RAP1GDS1: variants seen among roughly 807,000 people sequenced by gnomAD.
The protein encoded by RAP1GDS1 is Rap1 GTPase-GDP dissociation stimulator 1, also known as RAP1, GTP-GDP dissociation stimulator 1.
In RAP1GDS1, 35 loss-of-function variants were observed where a neutral mutation model predicts 71.1. The ratio of observed to expected loss-of-function variants is 0.49; its 90% CI spans 0.38 to 0.65. RAP1GDS1 has a LOEUF of 0.65. Among genes scored for constraint, RAP1GDS1 ranks in the 30% least tolerant of loss-of-function variants. The probability of loss-of-function intolerance (pLI) is 0.00; values close to 1 mark genes in which losing one functional copy is unlikely to be tolerated. For synonymous variants in RAP1GDS1, 229 were observed against 243.1 expected (o/e 0.94, Z 0.54); for missense variants, 663 against 706.1 (o/e 0.94, Z 0.69).
intron 4 of RAP1GDS1, among the ~76,000 whole-genome samples, chr4:98,366,362 G>A (rs978052055): frequency 9.2e-5 from 14 of 152,150 alleles, no homozygotes; most frequent in African/African-American, 2.7e-4. Flanking sequence ...TCCCAACCAC[G>A]TGGAACTGTA....
rs114802833 is a variant in RAP1GDS1, at chr4:98,291,625, A to G, written c.5-1783A>G. ...TAAAATATCTGCTTTAAAATTAATA[A>G]AGTCTAGAGTTAAGGCCTCTATTTG... On this transcript the variant is annotated intron_variant, in intron 1 of 14. Coordinates refer to ENST00000408927, the MANE Select transcript of RAP1GDS1 (RefSeq NM_001100427.2). 4.9e-3 allele frequency among the ~76,000 whole-genome samples: 753 copies of G among 152,274 alleles called. 3 individuals are homozygous for G. Among genetic ancestry groups the G allele is most frequent in the Non-Finnish European group, 8.6e-3 (587 of 68,018 alleles).
intron 7 of RAP1GDS1, among the ~76,000 whole-genome samples, chr4:98,410,085 A>G (rs966701590): frequency 2.6e-5 from 4 of 152,200 alleles, no homozygotes; most frequent in Non-Finnish European, 4.4e-5. Flanking sequence ...CCTGAGCAAC[A>G]TAGTGAGGCC....
intron 12 of RAP1GDS1, among the ~76,000 whole-genome samples, chr4:98,424,770 CAAA>C (rs1157760868): frequency 3.6e-5 from 3 of 83,666 alleles, no homozygotes; most frequent in African/African-American, 4.2e-5. Flanking sequence ...ACTCTGTCTC[CAAA>C]AAAAAAAAAA....
At chr4:98,418,825 A>G (rs1475386964) in intron 10 of RAP1GDS1, 34 bp downstream of exon 10, 5 of 1,511,872 alleles carry the variant, frequency 3.3e-6, no homozygotes, top group Non-Finnish European at 4.4e-6. Context: ...GCTGTGTACA[A>G]AATAAAATCC....
intron 12 of RAP1GDS1, among the ~76,000 whole-genome samples, chr4:98,422,563 A>C (rs1014421243): frequency 6.6e-6 from 1 of 152,202 alleles, no homozygotes; most frequent in Non-Finnish European, 1.5e-5. Flanking sequence ...TCTCTTGTAC[A>C]ACTTCAGTAG....
At chr4:98,404,735 T>G in intron 7 of RAP1GDS1, 133 bp downstream of exon 7, 1 of 1,074,228 alleles carries the variant, frequency 9.3e-7, no homozygotes, top group Non-Finnish European at 1.3e-6. Context: ...TGCATATCTC[T>G]AACTTTAGCT....
At chr4:98,264,851 AG>A (rs893160388) in intron 1 of RAP1GDS1, among the ~76,000 whole-genome samples, 2 of 152,220 alleles carry the variant, frequency 1.3e-5, no homozygotes, top group African/African-American at 4.8e-5. Flanking sequence ...GAAGATAGAT[AG>A]GAAACATTTT....
chr4:98,429,873 T>G (rs188668203), intron 12 of RAP1GDS1, among the ~76,000 whole-genome samples: 2 of 152,114 alleles, frequency 1.3e-5, no homozygotes, highest in Non-Finnish European at 2.9e-5. Flanking sequence ...CGTGGAAACC[T>G]TGATTAATCT....
intron 2 of RAP1GDS1, among the ~76,000 whole-genome samples, chr4:98,339,006 C>G (rs1735116588): frequency 6.6e-6 from 1 of 152,188 alleles, no homozygotes; most frequent in African/African-American, 2.4e-5. Context: ...CCCTCCCATT[C>G]TCCTTACTCC....
chr4:98,429,733 G>C (rs1000152089), intron 12 of RAP1GDS1, among the ~76,000 whole-genome samples: 1 of 152,218 alleles, frequency 6.6e-6, no homozygotes, highest in East Asian at 1.9e-4. Context: ...ATCATCCTGG[G>C]CTGCAGGTTG....
rs189508631 is a variant in RAP1GDS1, at chr4:98,438,928, C to A, written c.1696+1860C>A. 6.1e-3 allele frequency among the ~76,000 whole-genome samples: 933 copies of A among 152,164 alleles called. 10 individuals carry two copies. Among genetic ancestry groups the A allele is most frequent in the Middle Eastern group, 0.01 (3 of 294 alleles). On this transcript the variant is annotated intron_variant, in intron 14 of 14. Transcript: ENST00000408927. ...TCACGTATATCATTCTTAAATATTTCTTCTACATATATTTAGAATCACGTT... is the reference window on the plus strand; with the variant it reads ...TCACGTATATCATTCTTAAATATTTATTCTACATATATTTAGAATCACGTT...
intron 2 of RAP1GDS1, among the ~76,000 whole-genome samples, chr4:98,313,322 A>C (rs921825203): frequency 6.6e-6 from 1 of 152,172 alleles, no homozygotes; most frequent in Admixed American, 6.5e-5. Flanking sequence ...CTGAAAACCT[A>C]CTGATTTAAA....
At chr4:98,370,688 A>G (rs1046862661) in intron 4 of RAP1GDS1, among the ~76,000 whole-genome samples, 4 of 151,548 alleles carry the variant, frequency 2.6e-5, no homozygotes, top group Non-Finnish European at 5.9e-5. Context: ...CTCCTGCCTC[A>G]GCCTCCCGAG....
chr4:98,309,340 G>T (rs1427803862), intron 2 of RAP1GDS1, among the ~76,000 whole-genome samples: 7 of 151,856 alleles, frequency 4.6e-5, no homozygotes, highest in African/African-American at 1.7e-4. Context: ...TATCCATTAT[G>T]TTAAATTGGA....
At chr4:98,313,322 A>G (rs921825203) in intron 2 of RAP1GDS1, among the ~76,000 whole-genome samples, 5 of 152,172 alleles carry the variant, frequency 3.3e-5, no homozygotes, top group African/African-American at 7.2e-5. Context: ...CTGAAAACCT[A>G]CTGATTTAAA....
intron 4 of RAP1GDS1, among the ~76,000 whole-genome samples, chr4:98,357,716 G>T (rs1264028822): frequency 6.6e-6 from 1 of 151,772 alleles, no homozygotes; most frequent in Non-Finnish European, 1.5e-5. Flanking sequence ...ATAGTGCATT[G>T]CTTAGAAAAG....
At chr4:98,398,250 TAAAAG>T (rs1430278464) in intron 6 of RAP1GDS1, among the ~76,000 whole-genome samples, 6 of 147,446 alleles carry the variant, frequency 4.1e-5, no homozygotes, top group African/African-American at 1.2e-4. Context: ...AGATAGAAAA[TAAAAG>T]AGAAAATATA....
intron 12 of RAP1GDS1, among the ~76,000 whole-genome samples, chr4:98,431,649 G>A (rs1477878649): frequency 6.6e-6 from 1 of 152,150 alleles, no homozygotes; most frequent in African/African-American, 2.4e-5. Context: ...TTGGGCAAAT[G>A]ACTTCATCTG....
At chr4:98,335,039 C>T (rs1360955695) in intron 2 of RAP1GDS1, among the ~76,000 whole-genome samples, 1 of 151,586 alleles carries the variant, frequency 6.6e-6, no homozygotes, top group Non-Finnish European at 1.5e-5. Flanking sequence ...TCTGGATTTT[C>T]CTCGATATAC....
Sources: gnomAD v4.1 joint callset for allele counts (sites outside exome capture counted in the v4.1 genomes callset) on GRCh38, gnomAD v4.1.1 for gene constraint, MANE v1.5 for transcripts, NCBI Gene and HGNC (gene_info 2026-07-23, HGNC 2026-07-21) for gene names.